MMP16: variants seen among roughly 807,000 people sequenced by gnomAD.
The protein encoded by MMP16 is matrix metallopeptidase 16.
In MMP16, 12 loss-of-function variants were observed where a neutral mutation model predicts 67.8. The observed-to-expected ratio is 0.18, with a 90% CI of 0.11 to 0.29. The LOEUF (loss-of-function observed/expected upper bound fraction) is 0.29. MMP16 is among the 10% of genes least tolerant of loss of function. The pLI, the probability that MMP16 is intolerant of heterozygous loss-of-function variation, is 1.00. For synonymous variants in MMP16, 249 were observed against 255.9 expected (o/e 0.97, Z 0.26); for missense variants, 475 against 765.7 (o/e 0.62, Z 4.48).
chr8:88,302,371 C>T (rs1325853505), intron 1 of MMP16, among the ~76,000 whole-genome samples: 1 of 152,168 alleles, frequency 6.6e-6, no homozygotes, highest in African/African-American at 2.4e-5. Flanking sequence ...CCTCTCAGCT[C>T]TTTGTTTTTC....
intron 3 of MMP16, among the ~76,000 whole-genome samples, chr8:88,179,006 A>G (rs1808937085): frequency 6.6e-6 from 1 of 152,092 alleles, no homozygotes; most frequent in South Asian, 2.1e-4. Context: ...AATACACACA[A>G]TGAAAATACT....
chr8:88,047,572 C>T (rs753203606), intron 8 of MMP16, among the ~76,000 whole-genome samples: 7 of 152,020 alleles, frequency 4.6e-5, no homozygotes, highest in Non-Finnish European at 8.8e-5. Context: ...ACATTCCAGG[C>T]AGAGAAACTA....
At chr8:88,096,147 C>T (rs748484327) in intron 6 of MMP16, among the ~76,000 whole-genome samples, 1 of 151,790 alleles carries the variant, frequency 6.6e-6, no homozygotes, top group East Asian at 1.9e-4. Flanking sequence ...ATTTGGCAGA[C>T]AATATGATAT....
rs772770567 is a variant in MMP16, at chr8:88,186,462, G to A, written c.404+14C>T. ...ATATGGGGAAAAGGGGAGATTAATC[G>A]TGAGTTCTTATACCTGTAAGTGATG... is the stretch of plus-strand genomic sequence containing the variant. On this transcript the variant is annotated intron_variant, in intron 3 of 9. Coordinates refer to ENST00000286614, the MANE Select transcript of MMP16 (RefSeq NM_005941.5). 29 of 1,612,062 alleles carry A rather than the reference G, an allele frequency of 1.8e-5. No homozygotes were observed. The East Asian group carries it at 3.8e-4, about 21-fold the overall frequency.
At position 88,193,534 on chromosome 8, in the gene MMP16, T is replaced by C. The variant is rs1297523708; in HGVS notation, c.281+3624A>G. Among the ~76,000 whole-genome samples the C allele has an allele frequency of 2.6e-5, 4 of 152,204 alleles. No individual in the cohort carries two copies. In the East Asian group the frequency reaches 7.7e-4, roughly 29 times the overall value. On this transcript the variant is annotated intron_variant, in intron 2 of 9. Transcript: ENST00000286614. The stretch of plus-strand genomic sequence containing the variant: ...TAAGAGATAGTAGTAAATAGCACAC[T>C]AGGGTGACTACAGGTAAAAACAATT...
Position 88,116,707 on chromosome 8 carries a change from T to G in MMP16, c.883A>C (p.Lys295Gln), listed in dbSNP as rs1809443112. 6 of 1,613,302 alleles carry G rather than the reference T, an allele frequency of 3.7e-6. No homozygotes were observed. Among genetic ancestry groups the G allele is most frequent in the Non-Finnish European group, 5.1e-6 (6 of 1,179,672 alleles). The change falls in exon 6 of 10, where the codon AAG becomes CAG. Residue 295 changes from lysine to glutamine, a missense_variant. Physicochemically the swap from Lys to Gln is moderately conservative, Grantham distance 53. This residue lies in a region of MMP16 where 195 missense variants were observed against 300.9 expected (regional missense o/e 0.65). Coordinates refer to ENST00000286614, the MANE Select transcript of MMP16 (RefSeq NM_005941.5). ...AGAGGTCTTGTAGGTGGAGGAATCTTGTCAGGTGGACCTTTTGAAAATATG... is the reference window on the plus strand; with the variant it reads ...AGAGGTCTTGTAGGTGGAGGAATCTGGTCAGGTGGACCTTTTGAAAATATG... ...GIQKIYGPPD[K>Q]IPPPTRPLPT...
intron 4 of MMP16, among the ~76,000 whole-genome samples, chr8:88,153,501 C>G (rs1808448981): frequency 6.6e-6 from 1 of 152,180 alleles, no homozygotes; most frequent in Non-Finnish European, 1.5e-5. Context: ...CAGCATGGTA[C>G]TGGTACCAAA....
rs768097456 is a variant in MMP16, at chr8:88,041,811, T to TAC, written c.1490-18_1490-17dup. The TAC allele has an allele frequency of 1.9e-6, 3 of 1,557,688 alleles. No individual in the cohort carries two copies. Among genetic ancestry groups the TAC allele is most frequent in the Non-Finnish European group, 2.6e-6 (3 of 1,140,016 alleles). Reference sequence around the variant, plus strand: ...TACGTAAAGCCTAGGGGGAAAAACATACACACACACAGGTACCACTTATTT... The same window carrying TAC: ...TACGTAAAGCCTAGGGGGAAAAACATACACACACACACAGGTACCACTTATTT... On this transcript the variant is annotated splice_polypyrimidine_tract_variant and intron_variant, in intron 9 of 9. Coordinates refer to ENST00000286614, the MANE Select transcript of MMP16 (RefSeq NM_005941.5). The surrounding 1 kb of genome is among the most constrained non-coding windows in gnomAD (Gnocchi z 6.0).
At chr8:88,263,023 CAAATAAAT>C (rs35062853) in intron 1 of MMP16, among the ~76,000 whole-genome samples, 9 of 146,676 alleles carry the variant, frequency 6.1e-5, no homozygotes, top group Middle Eastern at 6.9e-3. Flanking sequence ...GACTCCGTCT[CAAATAAAT>C]AAATAAATAA....
At chr8:88,294,482 GTC>G (rs1485313948) in intron 1 of MMP16, among the ~76,000 whole-genome samples, 6 of 149,166 alleles carry the variant, frequency 4.0e-5, no homozygotes, top group Admixed American at 2.7e-4. Flanking sequence ...ACATATGTAT[GTC>G]TCTATACACA....
At chr8:88,318,303 T>C (rs1483669967) in intron 1 of MMP16, among the ~76,000 whole-genome samples, 1 of 152,226 alleles carries the variant, frequency 6.6e-6, no homozygotes, top group African/African-American at 2.4e-5. Context: ...GATTATGCCA[T>C]ACATGGATTA....
intron 4 of MMP16, among the ~76,000 whole-genome samples, chr8:88,128,822 T>C (rs1807979611): frequency 6.6e-6 from 1 of 151,744 alleles, no homozygotes; most frequent in Admixed American, 6.6e-5. Flanking sequence ...GAAGGAGGGA[T>C]CCTAAAGATC....
intron 4 of MMP16, among the ~76,000 whole-genome samples, chr8:88,161,167 C>T (rs374527545): frequency 8.5e-5 from 13 of 152,080 alleles, no homozygotes; most frequent in Non-Finnish European, 1.6e-4. Flanking sequence ...GCTGTGAATC[C>T]GTCTGGTCCT....
chr8:88,281,752 C>T (rs1810741115), intron 1 of MMP16, among the ~76,000 whole-genome samples: 1 of 152,160 alleles, frequency 6.6e-6, no homozygotes, highest in African/African-American at 2.4e-5. Context: ...CCAGTGCTTT[C>T]CCCAGCCCAC....
At chr8:88,158,000 C>CT (rs1808543533) in intron 4 of MMP16, among the ~76,000 whole-genome samples, 1 of 152,146 alleles carries the variant, frequency 6.6e-6, no homozygotes, top group Admixed American at 6.6e-5. Context: ...AGGACATGAA[C>CT]TCATCATTTT....
intron 8 of MMP16, among the ~76,000 whole-genome samples, chr8:88,049,674 G>A (rs1563517411): frequency 6.6e-6 from 1 of 152,062 alleles, no homozygotes; most frequent in Non-Finnish European, 1.5e-5. Context: ...ACAATACATG[G>A]CACTTTTAGA....
At chr8:88,223,666 A>G (rs1240575672) in intron 1 of MMP16, among the ~76,000 whole-genome samples, 1 of 126,994 alleles carries the variant, frequency 7.9e-6, no homozygotes, top group Non-Finnish European at 1.6e-5. Flanking sequence ...CACAGGGTGC[A>G]GAACATCACA....
intron 1 of MMP16, among the ~76,000 whole-genome samples, chr8:88,231,746 C>T (rs894614046): frequency 9.9e-5 from 15 of 152,088 alleles, no homozygotes; most frequent in African/African-American, 3.6e-4. Flanking sequence ...TCAACTTCAC[C>T]CAAATGATTG....
intron 1 of MMP16, among the ~76,000 whole-genome samples, chr8:88,226,686 T>TAA (rs1809774995): frequency 6.6e-6 from 1 of 151,988 alleles, no homozygotes; most frequent in Non-Finnish European, 1.5e-5. Context: ...GGTTCCTTCT[T>TAA]ACTGCCCAAA....
Sources: gnomAD v4.1 joint callset for allele counts (sites outside exome capture counted in the v4.1 genomes callset) on GRCh38, gnomAD v4.1.1 for gene constraint, gnomAD v4.1.1 regional missense constraint, Gnocchi (gnomAD v3.1) non-coding constraint, MANE v1.5 for transcripts, NCBI Gene and HGNC (gene_info 2026-07-23, HGNC 2026-07-21) for gene names.